The following SGPP1 variants were observed in gnomAD, a reference collection of about 807,000 sequenced individuals.
The protein encoded by SGPP1 is sphingosine-1-phosphate phosphatase 1, also known as hSPP1.
In SGPP1, 21 loss-of-function variants were observed where a neutral mutation model predicts 33.0. The ratio of observed to expected loss-of-function variants is 0.64; its 90% CI spans 0.45 to 0.92. The LOEUF (loss-of-function observed/expected upper bound fraction) is 0.92, where lower values mean the gene tolerates loss of function less well. Ranked by LOEUF, SGPP1 falls within the 40% of genes least tolerant of loss-of-function variation. The probability of loss-of-function intolerance (pLI) is 0.00; values close to 1 mark genes in which losing one functional copy is unlikely to be tolerated. For synonymous variants in SGPP1, 239 were observed against 241.2 expected (o/e 0.99, Z 0.08); for missense variants, 543 against 589.4 (o/e 0.92, Z 0.81).
At chr14:63,723,502 C>T (rs1421782614) in intron 1 of SGPP1, among the ~76,000 whole-genome samples, 2 of 152,016 alleles carry the variant, frequency 1.3e-5, no homozygotes, top group African/African-American at 2.4e-5. Flanking sequence ...GAGTGGATCA[C>T]GAGGTCAAGA....
At chr14:63,704,118 T>C (rs953431170) in intron 1 of SGPP1, among the ~76,000 whole-genome samples, 9 of 152,266 alleles carry the variant, frequency 5.9e-5, no homozygotes, top group Non-Finnish European at 1.2e-4. Context: ...TAAGCCACCA[T>C]GCCCAGCCCT....
At chr14:63,712,093 C>A (rs1252805957) in intron 1 of SGPP1, among the ~76,000 whole-genome samples, 1 of 150,970 alleles carries the variant, frequency 6.6e-6, no homozygotes, top group African/African-American at 2.4e-5. Context: ...AATTAATAAT[C>A]ACATATAATA....
intron 1 of SGPP1, among the ~76,000 whole-genome samples, chr14:63,700,990 T>A (rs1334371840): frequency 6.6e-6 from 1 of 152,152 alleles, no homozygotes; most frequent in African/African-American, 2.4e-5. Flanking sequence ...ACAAGATTTT[T>A]TTTTTTTTGA....
At chr14:63,710,434 T>G (rs1885500466) in intron 1 of SGPP1, among the ~76,000 whole-genome samples, 1 of 152,216 alleles carries the variant, frequency 6.6e-6, no homozygotes. Context: ...ATTTACTTCA[T>G]GCATTATATT....
At chr14:63,709,204 G>C (rs540387721) in intron 1 of SGPP1, among the ~76,000 whole-genome samples, 36 of 152,070 alleles carry the variant, frequency 2.4e-4, no homozygotes, top group African/African-American at 8.2e-4. Context: ...GTGAAACTCC[G>C]TCTCTACTAG....
chr14:63,702,952 CATA>C (rs1885330760), intron 1 of SGPP1, among the ~76,000 whole-genome samples: 1 of 151,924 alleles, frequency 6.6e-6, no homozygotes, highest in South Asian at 2.1e-4. Flanking sequence ...ATCATAGATA[CATA>C]TGTACAGGAA....
At chr14:63,716,118 T>G (rs1182497666) in intron 1 of SGPP1, among the ~76,000 whole-genome samples, 1 of 152,192 alleles carries the variant, frequency 6.6e-6, no homozygotes, top group Non-Finnish European at 1.5e-5. Context: ...TAGGAAAATA[T>G]GATCTATAAT....
At chr14:63,688,296 A>T (rs1885023494) in intron 2 of SGPP1, among the ~76,000 whole-genome samples, 1 of 141,928 alleles carries the variant, frequency 7.0e-6, no homozygotes, top group Admixed American at 7.1e-5. Context: ...AGCCTGGGTG[A>T]CAGAGCAAGA....
rs748638158 is a variant in SGPP1 at position 63,727,527 on chromosome 14, T to C, written c.418A>G (p.Asn140Asp). The part of the protein sequence containing the change: ...CLFCFGTELG[N>D]ELFYILFFPF... ...AAGAACAGGATGTAGAAGAGTTCGT[T>C]GCCCAGCTCCGTGCCGAAGCAGAAC... Residue 140 changes from asparagine (N) to aspartate (D), a missense_variant, in exon 1 of 3, where the codon AAC becomes GAC. Physicochemically the swap from Asn to Asp is conservative, Grantham distance 23 (BLOSUM62 1). Coordinates refer to ENST00000247225, the MANE Select transcript of SGPP1 (RefSeq NM_030791.4). The C allele has an allele frequency of 1.9e-6, 3 of 1,614,022 alleles. No homozygotes were observed. The highest frequency in any genetic ancestry group is 2.2e-5 in the East Asian group (1 of 44,868).
chr14:63,701,325 G>C (rs1410212897), intron 1 of SGPP1, among the ~76,000 whole-genome samples: 4 of 152,026 alleles, frequency 2.6e-5, no homozygotes, highest in Admixed American at 6.6e-5. Flanking sequence ...TTGCAATTTT[G>C]GGATTAAGTC....
Position 63,727,898 on chromosome 14 carries a change from T to C in SGPP1, c.47A>G (p.Asp16Gly), listed in dbSNP as rs1885925916. 1.3e-6 allele frequency: 2 copies of C among 1,536,614 alleles called. No homozygotes were observed. The highest frequency in any genetic ancestry group is 1.7e-6 in the Non-Finnish European group (2 of 1,149,670). The change falls in exon 1 of 3, where the codon GAC becomes GGC. Residue 16 changes from aspartate (D) to glycine (G), a missense_variant. Transcript: ENST00000247225. ...CTGGAAACGGGCCACTTTCTGCGGG[T>C]CCTGCAGACGGCCAACCAGCTGGGC... is the stretch of plus-strand genomic sequence containing the variant. ...RLAQLVGRLQ[D>G]PQKVARFQRL...
intron 1 of SGPP1, among the ~76,000 whole-genome samples, chr14:63,720,859 G>GA (rs1312795858): frequency 6.6e-6 from 1 of 152,146 alleles, no homozygotes; most frequent in South Asian, 2.1e-4. Context: ...GAATCCTTCA[G>GA]AAAAAAAGAC....
chr14:63,711,306 C>T (rs950369426), intron 1 of SGPP1, among the ~76,000 whole-genome samples: 2 of 152,182 alleles, frequency 1.3e-5, no homozygotes, highest in South Asian at 4.1e-4. Flanking sequence ...TGAGCCACTG[C>T]ACCTGGCCAT....
At chr14:63,696,469 G>GT (rs1358287697) in intron 2 of SGPP1, among the ~76,000 whole-genome samples, 3 of 152,156 alleles carry the variant, frequency 2.0e-5, no homozygotes, top group African/African-American at 7.2e-5. Flanking sequence ...TTTTTCAGAA[G>GT]TAGTGATGCT....
chr14:63,718,729 G>A (rs1269762121), intron 1 of SGPP1, among the ~76,000 whole-genome samples: 2 of 150,566 alleles, frequency 1.3e-5, no homozygotes, highest in Non-Finnish European at 3.0e-5. Flanking sequence ...TGCCTACTAG[G>A]TACCCATAGC....
At chr14:63,709,230 C>T (rs1284438140) in intron 1 of SGPP1, among the ~76,000 whole-genome samples, 3 of 151,870 alleles carry the variant, frequency 2.0e-5, no homozygotes, top group East Asian at 3.9e-4. Context: ...CAAAATTAGC[C>T]GGGTGTGGTG....
chr14:63,701,049 C>T (rs547443675), intron 1 of SGPP1, among the ~76,000 whole-genome samples: 18 of 151,966 alleles, frequency 1.2e-4, no homozygotes, highest in African/African-American at 3.6e-4. Context: ...GGCATGATCT[C>T]GGCTCACTGC....
chr14:63,713,042 G>A (rs1046785108), intron 1 of SGPP1, among the ~76,000 whole-genome samples: 1 of 151,630 alleles, frequency 6.6e-6, no homozygotes, highest in Non-Finnish European at 1.5e-5. Context: ...CTGCACCACT[G>A]TGCCCAGCAG....
Position 63,698,634 on chromosome 14 carries a change from G to C in SGPP1, c.709C>G (p.Leu237Val), listed in dbSNP as rs1403410312. 1.2e-6 allele frequency: 2 copies of C among 1,601,166 alleles called. No homozygotes were observed. The highest frequency in any genetic ancestry group is 1.7e-5 in the Admixed American group (1 of 58,332). Residue 237 changes from leucine (L) to valine (V), a missense_variant, in exon 2 of 3, where the codon CTT becomes GTT. Coordinates refer to ENST00000247225, the MANE Select transcript of SGPP1 (RefSeq NM_030791.4). ...ACTAGAGAACACCAGCAGGGAATAA[G>C]AATCAGTCCATATATAAGAGGGTAC... ...WQYPLIYGLILIPCWCSLVCL... is the reference protein window; with the variant it reads ...WQYPLIYGLIVIPCWCSLVCL...
Sources: allele counts gnomAD v4.1 joint callset (sites outside exome capture counted in the v4.1 genomes callset), GRCh38; gene constraint gnomAD v4.1.1; transcripts MANE v1.5; gene names NCBI Gene and HGNC (gene_info 2026-07-23, HGNC 2026-07-21).